CD226: variants seen among roughly 807,000 people sequenced by gnomAD.
The protein encoded by CD226 is CD226 antigen.
In CD226, 24 loss-of-function variants were observed where a neutral mutation model predicts 34.9. The ratio of observed to expected loss-of-function variants is 0.69; its 90% CI spans 0.50 to 0.97. CD226 has a LOEUF of 0.97. Among genes scored for constraint, CD226 ranks in the 50% least tolerant of loss-of-function variants. The probability of loss-of-function intolerance (pLI) is 0.00; values close to 1 mark genes in which losing one functional copy is unlikely to be tolerated. For missense variants in CD226, 397 were observed against 412.7 expected (o/e 0.96, Z 0.33); for synonymous variants, 148 against 147.4 (o/e 1.00, Z -0.03).
At chr18:69,923,090 G>A (rs1476234342) in intron 2 of CD226, among the ~76,000 whole-genome samples, 1 of 151,664 alleles carries the variant, frequency 6.6e-6, no homozygotes, top group Non-Finnish European at 1.5e-5. Flanking sequence ...CCGAGATTGC[G>A]CCACTACACT....
chr18:69,873,177 G>T lies in CD226; in HGVS notation c.797C>A (p.Ser266Ter). 6.2e-7 allele frequency: 1 copy of T among 1,608,006 alleles called. No individual in the cohort carries two copies. The highest frequency in any genetic ancestry group is 1.1e-5 in the South Asian group (1 of 90,948). ...GTVLLLLFVI[S>*]ITTIIVIFLN... ...GAAAATGACAATGATGGTGGTAATTGAGATAACAAACAACAACAATAAAAC... is the reference window on the plus strand; with the variant it reads ...GAAAATGACAATGATGGTGGTAATTTAGATAACAAACAACAACAATAAAAC... Residue 266 changes from serine to a stop codon, truncating the protein, a stop_gained, in exon 4 of 6, where the codon TCA (serine) becomes TAA (stop). Transcript: ENST00000582621. LOFTEE classifies it high-confidence loss of function.
chr18:69,886,657 G>T (rs1347349109), intron 3 of CD226, among the ~76,000 whole-genome samples: 1 of 151,818 alleles, frequency 6.6e-6, no homozygotes, highest in Non-Finnish European at 1.5e-5. Context: ...AGTGAGCCGA[G>T]ATCGTGCCAT....
chr18:69,874,752 A>G (rs1411627515), intron 3 of CD226, among the ~76,000 whole-genome samples: 1 of 151,804 alleles, frequency 6.6e-6, no homozygotes, highest in Admixed American at 6.6e-5. Flanking sequence ...GCAAAGAGAA[A>G]CTAAGACAAA....
upstream of CD226, among the ~76,000 whole-genome samples, chr18:69,949,945 C>T (rs2055835242): frequency 6.6e-6 from 1 of 152,150 alleles, no homozygotes; most frequent in South Asian, 2.1e-4. Context: ...CACACACACG[C>T]ATGCACTTAC....
intron 4 of CD226, among the ~76,000 whole-genome samples, chr18:69,871,638 G>A (rs1983527513): frequency 6.6e-6 from 1 of 152,222 alleles, no homozygotes; most frequent in Non-Finnish European, 1.5e-5. Flanking sequence ...CACCTTGAAT[G>A]ATACATAGGA....
chr18:69,909,396 G>T (rs1036041957), intron 2 of CD226, among the ~76,000 whole-genome samples: 3 of 152,114 alleles, frequency 2.0e-5, no homozygotes, highest in African/African-American at 7.2e-5. Context: ...ACTCACCCCT[G>T]AGCATCAGCC....
chr18:69,955,491 C>A (rs1415837360), intron 1 of CD226, among the ~76,000 whole-genome samples: 1 of 152,152 alleles, frequency 6.6e-6, no homozygotes, highest in African/African-American at 2.4e-5. Flanking sequence ...TCGTTTGCTC[C>A]CTCCACTCCT....
chr18:69,887,387 G>A (rs1171067652), intron 3 of CD226, among the ~76,000 whole-genome samples: 1 of 152,156 alleles, frequency 6.6e-6, no homozygotes, highest in Non-Finnish European at 1.5e-5. Flanking sequence ...CACATAAGAT[G>A]TGAAAAACTG....
intron 2 of CD226, among the ~76,000 whole-genome samples, chr18:69,932,689 C>G (rs1568200490): frequency 6.6e-6 from 1 of 152,198 alleles, no homozygotes; most frequent in Non-Finnish European, 1.5e-5. Context: ...CGCTTCAGTC[C>G]GTTCTCATCT....
intron 2 of CD226, among the ~76,000 whole-genome samples, chr18:69,911,926 T>G (rs1431547757): frequency 6.6e-6 from 1 of 152,214 alleles, no homozygotes; most frequent in African/African-American, 2.4e-5. Context: ...TTAATCATAT[T>G]TCTTGGCTGT....
intron 2 of CD226, among the ~76,000 whole-genome samples, chr18:69,923,719 C>T (rs1184112221): frequency 6.6e-6 from 1 of 152,022 alleles, no homozygotes; most frequent in African/African-American, 2.4e-5. Context: ...TTTGGGAGGC[C>T]GAGGCGGGCG....
upstream of CD226, among the ~76,000 whole-genome samples, chr18:69,948,487 G>A (rs1413994880): frequency 1.3e-5 from 2 of 152,180 alleles, no homozygotes; most frequent in African/African-American, 2.4e-5. Flanking sequence ...CTTTGTTTGT[G>A]ACTCAGTCTC....
intron 2 of CD226, among the ~76,000 whole-genome samples, chr18:69,929,515 A>C (rs2055564055): frequency 6.6e-6 from 1 of 152,174 alleles, no homozygotes; most frequent in Non-Finnish European, 1.5e-5. Context: ...ATCAATGTAA[A>C]GCCTTTAGAG....
intron 2 of CD226, among the ~76,000 whole-genome samples, chr18:69,925,895 C>T (rs1205472301): frequency 6.6e-6 from 1 of 152,196 alleles, no homozygotes; most frequent in Admixed American, 6.5e-5. Context: ...GTAATCCCAG[C>T]ACTTTGGGAG....
At chr18:69,902,203 TTC>T (rs1228544914) in intron 2 of CD226, among the ~76,000 whole-genome samples, 1 of 152,106 alleles carries the variant, frequency 6.6e-6, no homozygotes. Flanking sequence ...AAGTGGACTG[TTC>T]TCTCTCTCAC....
At chr18:69,910,310 T>G (rs574240135) in intron 2 of CD226, among the ~76,000 whole-genome samples, 5 of 152,346 alleles carry the variant, frequency 3.3e-5, no homozygotes, top group African/African-American at 1.2e-4. Context: ...AACCACATGA[T>G]GGAGACCAAC....
chr18:69,927,760 T>C (rs1312528841), intron 2 of CD226, among the ~76,000 whole-genome samples: 1 of 152,234 alleles, frequency 6.6e-6, no homozygotes. Context: ...ATTCTACATG[T>C]TACATACATT....
intron 5 of CD226, among the ~76,000 whole-genome samples, chr18:69,866,600 G>C (rs1020928882): frequency 6.6e-6 from 1 of 152,090 alleles, no homozygotes; most frequent in South Asian, 2.1e-4. Flanking sequence ...TACGCTTCTG[G>C]TTCTTTTATG....
intron 4 of CD226, among the ~76,000 whole-genome samples, chr18:69,869,168 G>A (rs1983344589): frequency 6.6e-6 from 1 of 152,144 alleles, no homozygotes; most frequent in South Asian, 2.1e-4. Flanking sequence ...ATGCCCAAAG[G>A]AATATAAATC....
Sources: allele counts gnomAD v4.1 joint callset (sites outside exome capture counted in the v4.1 genomes callset), GRCh38; gene constraint gnomAD v4.1.1; transcripts MANE v1.5; gene names NCBI Gene and HGNC (gene_info 2026-07-23, HGNC 2026-07-21).